Variants in FSTL4 observed in about 807,000 individuals in gnomAD.
FSTL4 encodes the protein follistatin like 4, also known as follistatin-related protein 4.
Under a neutral mutation model 78.2 loss-of-function variants are expected in FSTL4, and 28 were observed. That is an observed-to-expected ratio of 0.36 (90% CI 0.27 to 0.49). The LOEUF (loss-of-function observed/expected upper bound fraction) is 0.49, where lower values mean the gene tolerates loss of function less well. Among genes scored for constraint, FSTL4 ranks in the 20% least tolerant of loss-of-function variants. The probability of loss-of-function intolerance (pLI) is 0.98; values close to 1 mark genes in which losing one functional copy is unlikely to be tolerated. For synonymous variants in FSTL4, 422 were observed against 440.5 expected (o/e 0.96, Z 0.53); for missense variants, 922 against 1,084.9 (o/e 0.85, Z 2.11).
rs192562623 is a variant in FSTL4 at position 133,280,943 on chromosome 5, C to T, written c.728-31367G>A. ...AACTACCCTATCTAGAGTAGACTGCCGCTGTTTTCCTATCTTTCTCCCTAG... is the reference window on the plus strand; with the variant it reads ...AACTACCCTATCTAGAGTAGACTGCTGCTGTTTTCCTATCTTTCTCCCTAG... On this transcript the variant is annotated intron_variant, in intron 6 of 15. Coordinates refer to ENST00000265342, the MANE Select transcript of FSTL4 (RefSeq NM_015082.2). Among the ~76,000 whole-genome samples, 444 of 152,276 alleles carry T rather than the reference C, an allele frequency of 2.9e-3. 2 individuals carry two copies. The highest frequency in any genetic ancestry group is 9.7e-3 in the African/African-American group (402 of 41,552).
At chr5:133,813,654 C>T in the FSTL4 span, among the ~76,000 whole-genome samples, 3 of 152,188 alleles carry the variant, frequency 2.0e-5, no homozygotes, top group Non-Finnish European at 2.9e-5. Flanking sequence ...TTCTTCTTTT[C>T]CCCTACATTT....
chr5:133,263,543 C>T (rs1752579124), intron 6 of FSTL4, among the ~76,000 whole-genome samples: 1 of 152,062 alleles, frequency 6.6e-6, no homozygotes, highest in South Asian at 2.1e-4. Context: ...TGACTGTGGG[C>T]TTGGCAACAC....
chr5:133,816,278 C>T, the FSTL4 span, among the ~76,000 whole-genome samples: 1 of 152,198 alleles, frequency 6.6e-6, no homozygotes, highest in Non-Finnish European at 1.5e-5. Flanking sequence ...ACATGGTTCC[C>T]AGCTCCAGCT....
the FSTL4 span, among the ~76,000 whole-genome samples, chr5:133,637,273 A>G: frequency 0.016 from 2,492 of 152,038 alleles, 71 homozygotes; most frequent in African/African-American, 0.057. Context: ...ACAGGCTTTC[A>G]TTGTCACCAC....
intron 4 of FSTL4, among the ~76,000 whole-genome samples, chr5:133,356,155 G>A (rs190947529): frequency 6.6e-6 from 1 of 152,230 alleles, no homozygotes; most frequent in Non-Finnish European, 1.5e-5. Context: ...TTTTCATGCA[G>A]ACAGCTATGT....
chr5:133,703,872 C>T, the FSTL4 span, among the ~76,000 whole-genome samples: 1 of 152,198 alleles, frequency 6.6e-6, no homozygotes, highest in Non-Finnish European at 1.5e-5. Flanking sequence ...CTGCTCCTGC[C>T]ACTCCAGGAC....
At chr5:133,203,387 T>G (rs946777240) in intron 14 of FSTL4, among the ~76,000 whole-genome samples, 1 of 152,220 alleles carries the variant, frequency 6.6e-6, no homozygotes, top group Admixed American at 6.5e-5. Flanking sequence ...TGGAGCTGCC[T>G]TCTGGCTTTT....
the FSTL4 span, among the ~76,000 whole-genome samples, chr5:133,625,760 C>CATATATATTCCATATATATATTCCATAT: frequency 0.055 from 1,021 of 18,472 alleles, 367 homozygotes; most frequent in African/African-American, 0.12. Context: ...ATATATATTC[C>CATATATATTCCATATATATATTCCATAT]ATATATATTC....
intron 3 of FSTL4, among the ~76,000 whole-genome samples, chr5:133,553,405 G>C (rs1440975221): frequency 2.0e-5 from 3 of 152,202 alleles, no homozygotes; most frequent in African/African-American, 7.2e-5. Flanking sequence ...TTAGAGCTGA[G>C]AGTCCTCAGG....
chr5:133,454,881 C>T (rs1385079232), intron 3 of FSTL4, among the ~76,000 whole-genome samples: 1 of 152,210 alleles, frequency 6.6e-6, no homozygotes, highest in African/African-American at 2.4e-5. Flanking sequence ...AGCATTCTCT[C>T]CTATCACAGG....
At chr5:133,366,176 C>T (rs992115231) in intron 4 of FSTL4, among the ~76,000 whole-genome samples, 2 of 152,242 alleles carry the variant, frequency 1.3e-5, no homozygotes, top group Admixed American at 6.5e-5. Context: ...AGGGCCTTTG[C>T]ACTTGCTGAG....
chr5:133,416,856 G>A (rs1756588568), intron 3 of FSTL4, among the ~76,000 whole-genome samples: 1 of 152,190 alleles, frequency 6.6e-6, no homozygotes, highest in Non-Finnish European at 1.5e-5. Flanking sequence ...ACAGCTAAGT[G>A]CAATGAGTGC....
intron 3 of FSTL4, among the ~76,000 whole-genome samples, chr5:133,513,065 C>G (rs1039399626): frequency 6.6e-6 from 1 of 152,178 alleles, no homozygotes; most frequent in Admixed American, 6.5e-5. Flanking sequence ...AAATGATCAG[C>G]CCGCCTCAGC....
the FSTL4 span, among the ~76,000 whole-genome samples, chr5:133,639,002 T>C: frequency 6.6e-6 from 1 of 152,168 alleles, no homozygotes; most frequent in Admixed American, 6.6e-5. Context: ...CTGGGATACA[T>C]GTGCAGAATG....
At chr5:133,676,881 G>A in the FSTL4 span, among the ~76,000 whole-genome samples, 2 of 152,126 alleles carry the variant, frequency 1.3e-5, no homozygotes, top group African/African-American at 2.4e-5. Flanking sequence ...GTCTTTTGAT[G>A]TTAATAGTTT....
At position 133,400,826 on chromosome 5, in the gene FSTL4, A is replaced by C. The variant is rs773142187; in HGVS notation, c.321T>G (p.Phe107Leu). The change falls in exon 4 of 16, where the codon TTT (phenylalanine) becomes TTG (leucine). Residue 107 changes from phenylalanine (F) to leucine (L), a missense_variant. By Grantham distance (22) the Phe-to-Leu change is conservative (BLOSUM62 0). Coordinates refer to ENST00000265342, the MANE Select transcript of FSTL4 (RefSeq NM_015082.2). ...GGTGGAGCTTACAGTGGTTTTCATA[A>C]AACCTCCCATCAGAGCCGCACACAG... The part of the protein sequence containing the change: ...YVPVCGSDGR[F>L]YENHCKLHRA... The C allele has an allele frequency of 1.9e-6, 3 of 1,614,044 alleles. No individual in the cohort carries two copies. The highest frequency in any genetic ancestry group is 3.3e-5 in the Admixed American group (2 of 60,024).
the FSTL4 span, among the ~76,000 whole-genome samples, chr5:133,838,925 A>C: frequency 1.3e-5 from 2 of 152,188 alleles, no homozygotes; most frequent in African/African-American, 4.8e-5. Flanking sequence ...AGCATGGGCG[A>C]GCTAGTGATG....
chr5:133,516,961 C>T (rs888784090), intron 3 of FSTL4, among the ~76,000 whole-genome samples: 1 of 151,982 alleles, frequency 6.6e-6, no homozygotes, highest in Non-Finnish European at 1.5e-5. Context: ...TCCTATAATC[C>T]CAGCACTTTG....
At chr5:133,747,208 G>T in the FSTL4 span, among the ~76,000 whole-genome samples, 2 of 152,154 alleles carry the variant, frequency 1.3e-5, no homozygotes, top group Non-Finnish European at 2.9e-5. Flanking sequence ...GTGAAGGCAG[G>T]GCTGAGAAAC....
Sources: gnomAD v4.1 joint callset for allele counts (sites outside exome capture counted in the v4.1 genomes callset) on GRCh38, gnomAD v4.1.1 for gene constraint, MANE v1.5 for transcripts, NCBI Gene and HGNC (gene_info 2026-07-23, HGNC 2026-07-21) for gene names.